ZC3HAV1: variants seen among roughly 807,000 people sequenced by gnomAD.
ZC3HAV1 encodes the protein zinc finger CCCH-type containing, antiviral 1, also known as zinc finger CCCH-type antiviral protein 1.
ZC3HAV1 carries 41 observed loss-of-function variants against 86.6 expected under a neutral mutation model. The observed-to-expected ratio is 0.47, with a 90% confidence interval of 0.37 to 0.61. The LOEUF (loss-of-function observed/expected upper bound fraction) is 0.61, where lower values mean the gene tolerates loss of function less well. Ranked by LOEUF, ZC3HAV1 falls within the 20% of genes least tolerant of loss-of-function variation. The pLI, the probability that ZC3HAV1 is intolerant of heterozygous loss-of-function variation, is 0.00. For synonymous variants in ZC3HAV1, 421 were observed against 432.1 expected (o/e 0.97, Z 0.32); for missense variants, 964 against 1,141.1 (o/e 0.84, Z 2.24).
Position 139,057,687 on chromosome 7 carries a change from C to T in ZC3HAV1, c.2097-2392G>A, listed in dbSNP as rs1378206970. On this transcript the variant is annotated intron_variant, in intron 9 of 12. Transcript: ENST00000242351. ...CCGAGTAGCTGGGACTACAGGCGCC[C>T]GCCACCACGCCCGGCTAATTTTTTT... Among the ~76,000 whole-genome samples the T allele has an allele frequency of 1.0e-4, 8 of 78,952 alleles. 2 individuals are homozygous for T. The highest frequency in any genetic ancestry group is 3.7e-4 in the Admixed American group (3 of 8,186). 51.8% of individuals were successfully genotyped at this position (78,952 alleles called of 152,430 possible). A position where few individuals can be genotyped will look rare whatever the true frequency, so the allele number is the denominator to read the frequency against.
chr7:139,053,944 C>T, intron 11 of ZC3HAV1, 21 bp downstream of exon 11: 1 of 1,591,360 alleles, frequency 6.3e-7, no homozygotes, highest in Admixed American at 1.9e-5. Context: ...TGTAAAGAAA[C>T]ACGATAACGT....
intron 4 of ZC3HAV1, chr7:139,079,082 C>T: frequency 6.5e-6 from 10 of 1,535,530 alleles, no homozygotes; most frequent in Non-Finnish European, 8.7e-6. Context: ...CACAGAGGCC[C>T]CTTTGTCCTT....
At chr7:139,069,049 G>A (rs746097057) in intron 7 of ZC3HAV1, among the ~76,000 whole-genome samples, 11 of 152,158 alleles carry the variant, frequency 7.2e-5, no homozygotes, top group Non-Finnish European at 1.3e-4. Context: ...CTCTTGTAAG[G>A]ATAAGTCCTT....
At chr7:139,071,004 G>A (rs540337930) in intron 7 of ZC3HAV1, among the ~76,000 whole-genome samples, 7 of 150,270 alleles carry the variant, frequency 4.7e-5, no homozygotes, top group African/African-American at 1.7e-4. Flanking sequence ...AGCTCAGGAA[G>A]TTTCTTGATG....
intron 2 of ZC3HAV1, 64 bp from the exon 3 acceptor site, chr7:139,084,096 A>C: frequency 3.2e-6 from 5 of 1,578,856 alleles, no homozygotes; most frequent in Middle Eastern, 4.4e-4. Flanking sequence ...AACATTCATT[A>C]AGGCAAGCTC....
intron 1 of ZC3HAV1, among the ~76,000 whole-genome samples, chr7:139,103,021 C>T (rs1014377092): frequency 1.3e-5 from 2 of 148,632 alleles, no homozygotes; most frequent in Admixed American, 1.3e-4. Context: ...AACTTTAATA[C>T]AAAAACTTTA....
chr7:139,053,158 T>G (rs570006576), intron 12 of ZC3HAV1, among the ~76,000 whole-genome samples: 1 of 152,196 alleles, frequency 6.6e-6, no homozygotes, highest in South Asian at 2.1e-4. Context: ...TGAGTAGTAA[T>G]GGTAGACAAC....
intron 12 of ZC3HAV1, among the ~76,000 whole-genome samples, chr7:139,051,450 A>G (rs1816120571): frequency 6.9e-6 from 1 of 144,218 alleles, no homozygotes; most frequent in Non-Finnish European, 1.5e-5. Context: ...TCTGTCGCCC[A>G]GGCTAGAGTA....
Position 139,047,655 on chromosome 7 carries a change from T to C in ZC3HAV1, c.2648A>G (p.Asp883Gly). Reference protein sequence around the residue: ...NPSVFVIFQKDQVYPQYVIEY... With the variant: ...NPSVFVIFQKGQVYPQYVIEY... The stretch of plus-strand genomic sequence containing the variant: ...AATCACATATTGTGGGTAAACCTGA[T>C]CTTTCTGAAAGATGACAAAAACGGA... The change falls in exon 13 of 13, where the codon GAT (aspartate) becomes GGT (glycine). Residue 883 changes from aspartate to glycine, a missense_variant. Asp to Gly is a moderately conservative substitution (Grantham distance 94, BLOSUM62 -1). Coordinates refer to ENST00000242351, the MANE Select transcript of ZC3HAV1 (RefSeq NM_020119.4). 2 of 1,614,158 alleles carry C rather than the reference T, an allele frequency of 1.2e-6. No homozygotes were observed. Among genetic ancestry groups the C allele is most frequent in the Non-Finnish European group, 1.7e-6 (2 of 1,180,024 alleles).
chr7:139,047,366 G>A lies in ZC3HAV1; in HGVS notation c.*228C>T, dbSNP rs539039545. 43 of 499,900 alleles carry A rather than the reference G, an allele frequency of 8.6e-5. No homozygotes were observed. The highest frequency in any genetic ancestry group is 5.8e-4 in the African/African-American group (28 of 48,604). 31.0% of individuals were successfully genotyped at this position (499,900 alleles called of 1,614,324 possible). On this transcript the variant is annotated 3_prime_UTR_variant, in exon 13 of 13. Transcript: ENST00000242351. The stretch of plus-strand genomic sequence containing the variant: ...AAAAAAAAAAATACAACTGCCTGGC[G>A]CTGACGCCCAGAAATGATTTCATTG...
chr7:139,085,804 G>A (rs1817258110), intron 2 of ZC3HAV1, among the ~76,000 whole-genome samples: 1 of 152,070 alleles, frequency 6.6e-6, no homozygotes, highest in Non-Finnish European at 1.5e-5. Context: ...CCTGAGGTCA[G>A]GAGTTTGAGA....
chr7:139,081,232 C>T (rs1040050771), intron 3 of ZC3HAV1, among the ~76,000 whole-genome samples: 9 of 151,626 alleles, frequency 5.9e-5, no homozygotes, highest in Admixed American at 1.3e-4. Context: ...CACATGTGCA[C>T]GTGTGGTGTG....
intron 8 of ZC3HAV1, among the ~76,000 whole-genome samples, chr7:139,062,137 G>T (rs1379120691): frequency 6.6e-6 from 1 of 152,110 alleles, no homozygotes; most frequent in Non-Finnish European, 1.5e-5. Flanking sequence ...GGGATTGATG[G>T]AAATGTTCTA....
At chr7:139,059,652 T>C (rs373999220) in intron 9 of ZC3HAV1, among the ~76,000 whole-genome samples, 1 of 151,858 alleles carries the variant, frequency 6.6e-6, no homozygotes, top group East Asian at 1.9e-4. Flanking sequence ...GGACTTTAGA[T>C]AGCTACACCA....
At chr7:139,051,294 G>A (rs917902222) in intron 12 of ZC3HAV1, among the ~76,000 whole-genome samples, 1 of 152,002 alleles carries the variant, frequency 6.6e-6, no homozygotes, top group African/African-American at 2.4e-5. Flanking sequence ...CTGACCTCAA[G>A]TGATCTGCCT....
chr7:139,086,207 C>T (rs1025477305), intron 2 of ZC3HAV1, among the ~76,000 whole-genome samples: 3 of 152,128 alleles, frequency 2.0e-5, no homozygotes, highest in Non-Finnish European at 4.4e-5. Flanking sequence ...TTAGAGCCTT[C>T]TCTTGCCCAG....
chr7:139,105,032 CA>C (rs34053904), intron 1 of ZC3HAV1, among the ~76,000 whole-genome samples: 1,865 of 72,812 alleles, frequency 0.026, 20 homozygotes, highest in African/African-American at 0.079. Flanking sequence ...GACTCTGTCT[CA>C]AAAAAAAAAA....
intron 11 of ZC3HAV1, 149 bp from the exon 12 acceptor site, chr7:139,053,730 A>G (rs965850660): frequency 5.9e-6 from 7 of 1,180,904 alleles, no homozygotes; most frequent in Non-Finnish European, 8.1e-6. Context: ...GCAGCTGTAC[A>G]ATAATAAATT....
chr7:139,085,249 T>C (rs1192904623), intron 2 of ZC3HAV1, among the ~76,000 whole-genome samples: 1 of 152,222 alleles, frequency 6.6e-6, no homozygotes, highest in Non-Finnish European at 1.5e-5. Flanking sequence ...AAAGCACCAT[T>C]AGCAACTTCA....
Sources: gnomAD v4.1 joint callset for allele counts (sites outside exome capture counted in the v4.1 genomes callset) on GRCh38, gnomAD v4.1.1 for gene constraint, MANE v1.5 for transcripts, NCBI Gene and HGNC (gene_info 2026-07-23, HGNC 2026-07-21) for gene names.